MTFR1L: variants seen among roughly 807,000 people sequenced by gnomAD.
MTFR1L encodes the protein mitochondrial fission regulator 1-like.
Under a neutral mutation model 27.9 loss-of-function variants are expected in MTFR1L, and 10 were observed. The ratio of observed to expected loss-of-function variants is 0.36; its 90% CI spans 0.22 to 0.61. The LOEUF is 0.61. MTFR1L is among the 20% of genes least tolerant of loss of function. The pLI, the probability that MTFR1L is intolerant of heterozygous loss-of-function variation, is 0.73. For missense variants in MTFR1L, 315 were observed against 363.7 expected (o/e 0.87, Z 1.09); for synonymous variants, 151 against 139.4 (o/e 1.08, Z -0.58).
intron 1 of MTFR1L, chr1:25,820,908 C>G: frequency 3.0e-6 from 1 of 337,028 alleles, no homozygotes. Context: ...CTGACCCTGT[C>G]GCAGGGAAGG....
intron 3 of MTFR1L, among the ~76,000 whole-genome samples, chr1:25,825,084 A>G (rs1247870057): frequency 6.6e-6 from 1 of 152,162 alleles, no homozygotes; most frequent in African/African-American, 2.4e-5. Flanking sequence ...CTATTTTAGC[A>G]CTAGTTCCTG....
In MTFR1L at chr1:25,826,044, A is replaced by C; in HGVS notation, c.130-258A>C. 1 of 415,106 alleles carries C rather than the reference A, an allele frequency of 2.4e-6. No homozygotes were observed. The highest frequency in any genetic ancestry group is 4.4e-6 in the Non-Finnish European group (1 of 225,766). The allele number at this position is 415,106 out of a possible 1,614,324, so 25.7% of individuals were successfully genotyped here. ...GAGGCAGGGTTTTGCCATGTTGCCC[A>C]GGCTGATCTCAAACTCTTGGTCTCA... On this transcript the variant is annotated intron_variant, in intron 3 of 6. Coordinates refer to ENST00000374303, the MANE Select transcript of MTFR1L (RefSeq NM_001099625.2). This position sits in a 1 kb window ranked among gnomAD's most constrained non-coding sequence, Gnocchi z 4.1.
chr1:25,830,827 C>T (rs550586291), intron 6 of MTFR1L, among the ~76,000 whole-genome samples: 6 of 152,332 alleles, frequency 3.9e-5, no homozygotes, highest in Non-Finnish European at 7.4e-5. Context: ...TCCCTCATTG[C>T]TTCCTGGCAG....
Position 25,826,676 on chromosome 1 carries a change from A to G in MTFR1L, c.301A>G (p.Asn101Asp). 1 of 1,614,182 alleles carries G rather than the reference A, an allele frequency of 6.2e-7. No individual in the cohort carries two copies. Among genetic ancestry groups the G allele is most frequent in the Non-Finnish European group, 8.5e-7 (1 of 1,180,016 alleles). The change falls in exon 5 of 7, where the codon AAT becomes GAT. Residue 101 changes from asparagine (N) to aspartate (D), a missense_variant. Physicochemically the swap from Asn to Asp is conservative, Grantham distance 23. Coordinates refer to ENST00000374303, the MANE Select transcript of MTFR1L (RefSeq NM_001099625.2). This position sits in a 1 kb window ranked among gnomAD's most constrained non-coding sequence, Gnocchi z 4.1. ...CAGCCCTCTGATTGTCATGCAGCGC[A>G]ATGCCTCTGTTCCCAACCTGCGTGG... ...KPSPLIVMQR[N>D]ASVPNLRGSE...
At chr1:25,829,932 T>C in intron 6 of MTFR1L, 102 bp downstream of exon 6, 1 of 1,127,154 alleles carries the variant, frequency 8.9e-7, no homozygotes, top group South Asian at 1.6e-5. Flanking sequence ...AGTAGTACCA[T>C]ATGTTATGTC....
rs55731212 is a variant in MTFR1L at position 25,831,145 on chromosome 1, G to T, written c.774-776G>T. On this transcript the variant is annotated intron_variant, in intron 6 of 6. Transcript: ENST00000374303. ...TGGGAAAGTACCCCAGTCAGCAAAG[G>T]TTCAGATATGTCACCAACCAAACGC... Among the ~76,000 whole-genome samples the T allele has an allele frequency of 7.3e-3, 1,105 of 152,322 alleles. 4 individuals are homozygous for T. Among genetic ancestry groups the T allele is most frequent in the Non-Finnish European group, 0.013 (858 of 68,028 alleles).
chr1:25,827,788 C>T (rs906168582), intron 5 of MTFR1L, among the ~76,000 whole-genome samples: 1 of 152,040 alleles, frequency 6.6e-6, no homozygotes, highest in Non-Finnish European at 1.5e-5. Context: ...TGCGGTGGCA[C>T]GATCTTGGCT....
intron 5 of MTFR1L, among the ~76,000 whole-genome samples, chr1:25,827,599 CCTGG>C (rs2048184834): frequency 6.6e-6 from 1 of 152,088 alleles, no homozygotes; most frequent in Non-Finnish European, 1.5e-5. Flanking sequence ...CACCACCACA[CCTGG>C]CTAATTTTTT....
chr1:25,825,106 G>A (rs955396687), intron 3 of MTFR1L, among the ~76,000 whole-genome samples: 3 of 152,184 alleles, frequency 2.0e-5, no homozygotes, highest in Admixed American at 6.5e-5. Context: ...GTCACTGGAA[G>A]TTCTTCTCTG....
Position 25,820,016 on chromosome 1 carries a change from A to T in MTFR1L, c.-100A>T. Reference sequence around the variant, plus strand: ...GGGCCGTGAGGTGAGAGAGTCCGGGAGCCCGAGCTTGAGGTGAGAAAGGTT... The same window carrying T: ...GGGCCGTGAGGTGAGAGAGTCCGGGTGCCCGAGCTTGAGGTGAGAAAGGTT... On this transcript the variant is annotated 5_prime_UTR_variant, in exon 1 of 7. Coordinates refer to ENST00000374303, the MANE Select transcript of MTFR1L (RefSeq NM_001099625.2). 1 of 352,692 alleles carries T rather than the reference A, an allele frequency of 2.8e-6. No individual in the cohort carries two copies. The highest frequency in any genetic ancestry group is 5.5e-6 in the Non-Finnish European group (1 of 182,658). The allele number at this position is 352,692 out of a possible 1,614,324, so 21.8% of individuals were successfully genotyped here.
At position 25,823,653 on chromosome 1, in the gene MTFR1L, A is replaced by G. The variant is rs1183444740; in HGVS notation, c.34A>G (p.Ile12Val). The G allele has an allele frequency of 8.1e-6, 13 of 1,613,662 alleles. No homozygotes were observed. Among genetic ancestry groups the G allele is most frequent in the South Asian group, 5.5e-5 (5 of 91,056 alleles). ...SGMEATVTIPIWQNKPHGAAR... is the reference protein window; with the variant it reads ...SGMEATVTIPVWQNKPHGAAR... Reference sequence around the variant, plus strand: ...CGTCTCTTTGCTCCAGACCATCCCAATCTGGCAAAACAAGCCACATGGGGC... The same window carrying G: ...CGTCTCTTTGCTCCAGACCATCCCAGTCTGGCAAAACAAGCCACATGGGGC... Residue 12 changes from isoleucine (I) to valine (V), a missense_variant, in exon 3 of 7, where the codon ATC becomes GTC. Coordinates refer to ENST00000374303, the MANE Select transcript of MTFR1L (RefSeq NM_001099625.2).
At chr1:25,822,848 AAG>A (rs2048114726) in intron 1 of MTFR1L, 169 bp from the exon 2 acceptor site, 3 of 565,088 alleles carry the variant, frequency 5.3e-6, no homozygotes, top group Non-Finnish European at 9.1e-6. Context: ...CAGAACCTTT[AAG>A]AGTCTGGACT....
chr1:25,823,387 C>T (rs1259282480), intron 2 of MTFR1L: 3 of 722,334 alleles, frequency 4.2e-6, no homozygotes, highest in East Asian at 5.4e-5. Context: ...CACTCAGCTA[C>T]TTCCTCTCCC....
intron 5 of MTFR1L, among the ~76,000 whole-genome samples, chr1:25,827,601 T>C (rs1012903742): frequency 2.0e-5 from 3 of 151,516 alleles, no homozygotes; most frequent in Non-Finnish European, 2.9e-5. Flanking sequence ...CCACCACACC[T>C]GGCTAATTTT....
Position 25,826,880 on chromosome 1 carries a change from C to T in MTFR1L, c.451+54C>T. 1 of 1,584,016 alleles carries T rather than the reference C, an allele frequency of 6.3e-7. No individual in the cohort carries two copies. Among genetic ancestry groups the T allele is most frequent in the Non-Finnish European group, 8.6e-7 (1 of 1,161,336 alleles). On this transcript the variant is annotated intron_variant, in intron 5 of 6. Coordinates refer to ENST00000374303, the MANE Select transcript of MTFR1L (RefSeq NM_001099625.2). The surrounding 1 kb of genome is among the most constrained non-coding windows in gnomAD (Gnocchi z 4.1). ...GTAACAGGCTGTTCCTTTCCCCTGG[C>T]TCTTGGGCAGGATAGGGGTAAAGAA...
In MTFR1L at chr1:25,823,124, C is replaced by A. The variant is rs2048118909; in HGVS notation, c.20C>A (p.Thr7Asn). ...GTTCAAATGTCAGGAATGGAAGCCA[C>A]TGTGGTAAGGGGCATTCCCAGGGCA... MSGMEA[T>N]VTIPIWQNKP... Residue 7 changes from threonine to asparagine, a missense_variant, in exon 2 of 7, where the codon ACT becomes AAT. Physicochemically the swap from Thr to Asn is moderately conservative, Grantham distance 65. Transcript: ENST00000374303. The A allele has an allele frequency of 6.2e-7, 1 of 1,614,156 alleles. No homozygotes were observed. The highest frequency in any genetic ancestry group is 8.5e-7 in the Non-Finnish European group (1 of 1,179,994).
chr1:25,832,404 C>T lies in MTFR1L; in HGVS notation c.*378C>T. 12 of 444,848 alleles carry T rather than the reference C, an allele frequency of 2.7e-5. No individual in the cohort carries two copies. The highest frequency in any genetic ancestry group is 2.5e-4 in the South Asian group (11 of 43,282). The allele number at this position is 444,848 out of a possible 1,614,324, so 27.6% of individuals were successfully genotyped here. On this transcript the variant is annotated 3_prime_UTR_variant, in exon 7 of 7. Coordinates refer to ENST00000374303, the MANE Select transcript of MTFR1L (RefSeq NM_001099625.2). Reference sequence around the variant, plus strand: ...CACAAGACACTTTGTGCCCAGCTGTCACTCACTCAGCAGCTTCCTTGCAGC... The same window carrying T: ...CACAAGACACTTTGTGCCCAGCTGTTACTCACTCAGCAGCTTCCTTGCAGC...
intron 5 of MTFR1L, among the ~76,000 whole-genome samples, chr1:25,828,457 C>T (rs1037012729): frequency 6.6e-6 from 1 of 152,038 alleles, no homozygotes; most frequent in Non-Finnish European, 1.5e-5. Context: ...GCAGCATGTG[C>T]CTTGAACCTG....
At position 25,831,926 on chromosome 1, in the gene MTFR1L, G is replaced by T; in HGVS notation, c.779G>T (p.Arg260Leu). 6.2e-7 allele frequency: 1 copy of T among 1,613,920 alleles called. No homozygotes were observed. Among genetic ancestry groups the T allele is most frequent in the Non-Finnish European group, 8.5e-7 (1 of 1,179,828 alleles). The change falls in exon 7 of 7, where the codon CGG becomes CTG. Residue 260 changes from arginine (R) to leucine (L), a missense_variant. Coordinates refer to ENST00000374303, the MANE Select transcript of MTFR1L (RefSeq NM_001099625.2). ...HRMKQSQDLN[R>L]SLLKEEDPAV... ...AGCTATTATTGTGTCTCTAGGAACCGGAGTTTATTGAAGGAGGAAGACCCT... is the reference window on the plus strand; with the variant it reads ...AGCTATTATTGTGTCTCTAGGAACCTGAGTTTATTGAAGGAGGAAGACCCT...
Sources: allele counts gnomAD v4.1 joint callset (sites outside exome capture counted in the v4.1 genomes callset), GRCh38; gene constraint gnomAD v4.1.1; non-coding constraint Gnocchi (gnomAD v3.1); transcripts MANE v1.5; gene names NCBI Gene and HGNC (gene_info 2026-07-23, HGNC 2026-07-21).